RBFOX1: variants seen among roughly 807,000 people sequenced by gnomAD.
RBFOX1 encodes the protein RNA binding fox-1 homolog 1.
A neutral mutation model predicts 57.7 loss-of-function variants in RBFOX1; 8 were observed. The observed-to-expected ratio is 0.14, with a 90% CI of 0.08 to 0.25. The LOEUF (loss-of-function observed/expected upper bound fraction) is 0.25, where lower values mean the gene tolerates loss of function less well. RBFOX1 is among the 10% of genes least tolerant of loss of function. The pLI, the probability that RBFOX1 is intolerant of heterozygous loss-of-function variation, is 1.00. For missense variants in RBFOX1, 611 were observed against 548.5 expected (o/e 1.11, Z -1.14); for synonymous variants, 326 against 222.4 (o/e 1.47, Z -4.15).
chr16:6,842,116 C>G (rs893839408), intron 3 of RBFOX1, among the ~76,000 whole-genome samples: 1 of 150,998 alleles, frequency 6.6e-6, no homozygotes, highest in African/African-American at 2.4e-5. Context: ...GCACTCCAGC[C>G]TGGGTGACAG....
intron 4 of RBFOX1, among the ~76,000 whole-genome samples, chr16:7,216,611 T>C (rs2092090029): frequency 6.6e-6 from 1 of 152,072 alleles, no homozygotes; most frequent in East Asian, 1.9e-4. Context: ...TGAGCCCAGA[T>C]CGTACCGCTG....
chr16:6,833,977 G>A (rs1449150408), intron 3 of RBFOX1, among the ~76,000 whole-genome samples: 2 of 152,178 alleles, frequency 1.3e-5, no homozygotes, highest in African/African-American at 2.4e-5. Flanking sequence ...TGGAGGCACA[G>A]TAGGGTTTGG....
chr16:6,965,129 G>A (rs1457631716), intron 3 of RBFOX1, among the ~76,000 whole-genome samples: 1 of 152,092 alleles, frequency 6.6e-6, no homozygotes, highest in African/African-American at 2.4e-5. Flanking sequence ...CTGCCTCCAT[G>A]GTTCTCGGGG....
At chr16:6,292,373 T>C (rs953400258) in intron 1 of RBFOX1, among the ~76,000 whole-genome samples, 1 of 152,154 alleles carries the variant, frequency 6.6e-6, no homozygotes, top group East Asian at 1.9e-4. Flanking sequence ...CACAGATTTT[T>C]TTTTTTTTTT....
chr16:6,458,161 C>T lies in RBFOX1; in HGVS notation c.-64+141104C>T, dbSNP rs557829071. Among the ~76,000 whole-genome samples the T allele has an allele frequency of 6.6e-5, 10 of 152,316 alleles. No individual in the cohort carries two copies. The East Asian group carries it at 9.7e-4, about 15-fold the overall frequency. On this transcript the variant is annotated intron_variant, in intron 2 of 15. Coordinates refer to ENST00000550418, the MANE Select transcript of RBFOX1 (RefSeq NM_018723.4). Reference sequence around the variant, plus strand: ...TTCCAGCAGTAACTGTGTGCAAACACGGCCCCTCCCTGTATAGCAGAACTC... The same window carrying T: ...TTCCAGCAGTAACTGTGTGCAAACATGGCCCCTCCCTGTATAGCAGAACTC...
In RBFOX1 at chr16:6,578,333, GC is replaced by G. The variant is rs753401396; in HGVS notation, c.-63-76269del. ...CTGAGAACAGGGTAGTGGGAAGTTA[GC>G]GAAGCAATGTCCCCGGGACACAGCA... is the stretch of plus-strand genomic sequence containing the variant. On this transcript the variant is annotated intron_variant, in intron 2 of 15. Transcript: ENST00000550418. 4.0e-4 allele frequency among the ~76,000 whole-genome samples: 61 copies of G among 152,306 alleles called. 1 individual carries two copies. Among genetic ancestry groups the G allele is most frequent in the Middle Eastern group, 6.8e-3 (2 of 294 alleles).
At chr16:6,074,636 C>A (rs574462122) in intron 1 of RBFOX1, among the ~76,000 whole-genome samples, 2 of 152,238 alleles carry the variant, frequency 1.3e-5, no homozygotes, top group African/African-American at 4.8e-5. Flanking sequence ...ACGCAACAAC[C>A]AAAAGTGGTG....
intron 1 of RBFOX1, among the ~76,000 whole-genome samples, chr16:5,284,433 T>C (rs1156776044): frequency 6.6e-6 from 1 of 152,208 alleles, no homozygotes; most frequent in Non-Finnish European, 1.5e-5. Flanking sequence ...ATGGTAGATA[T>C]TGTTCTTTTG....
chr16:5,501,660 C>T (rs914375504), intron 2 of RBFOX1, among the ~76,000 whole-genome samples: 1 of 152,190 alleles, frequency 6.6e-6, no homozygotes, highest in South Asian at 2.1e-4. Flanking sequence ...GCCGTCAAAT[C>T]TCCAAACACA....
At chr16:7,433,154 C>G (rs1031031398) in intron 4 of RBFOX1, among the ~76,000 whole-genome samples, 1 of 152,142 alleles carries the variant, frequency 6.6e-6, no homozygotes, top group African/African-American at 2.4e-5. Context: ...TGCTGATCCT[C>G]CCTTCTTTCC....
chr16:7,178,403 A>G (rs530481517), intron 4 of RBFOX1, among the ~76,000 whole-genome samples: 3 of 152,326 alleles, frequency 2.0e-5, no homozygotes, highest in Non-Finnish European at 2.9e-5. Flanking sequence ...GGCAAACACA[A>G]TCTTCCCAAG....
chr16:6,795,100 G>T (rs2154251695), intron 3 of RBFOX1, among the ~76,000 whole-genome samples: 1 of 152,224 alleles, frequency 6.6e-6, no homozygotes, highest in Non-Finnish European at 1.5e-5. Context: ...TTCCATTTCT[G>T]GGTATATTTT....
At chr16:7,663,193 G>A (rs1054626957) in intron 12 of RBFOX1, among the ~76,000 whole-genome samples, 6 of 152,124 alleles carry the variant, frequency 3.9e-5, no homozygotes, top group South Asian at 2.1e-4. Context: ...CCCCCCAACC[G>A]ACATTCTCTA....
chr16:7,405,970 G>T (rs1366322060), intron 4 of RBFOX1, among the ~76,000 whole-genome samples: 5 of 152,150 alleles, frequency 3.3e-5, no homozygotes, highest in Non-Finnish European at 5.9e-5. Flanking sequence ...CTGACATCGA[G>T]TAGGTAGAGC....
At chr16:6,968,595 G>T (rs1033289083) in intron 3 of RBFOX1, among the ~76,000 whole-genome samples, 1 of 151,968 alleles carries the variant, frequency 6.6e-6, no homozygotes, top group Non-Finnish European at 1.5e-5. Context: ...GTAGATGATG[G>T]ATTCCTCCCA....
intron 3 of RBFOX1, among the ~76,000 whole-genome samples, chr16:6,921,213 C>A (rs1159665871): frequency 6.6e-6 from 1 of 152,072 alleles, no homozygotes; most frequent in South Asian, 2.1e-4. Context: ...TACAAATTAC[C>A]CACACACATT....
At chr16:7,240,705 C>T (rs2094011498) in intron 4 of RBFOX1, among the ~76,000 whole-genome samples, 1 of 152,048 alleles carries the variant, frequency 6.6e-6, no homozygotes. Context: ...GAGGCATTCA[C>T]CACCACACCT....
chr16:5,915,696 G>A (rs912300138), intron 4 of RBFOX1, among the ~76,000 whole-genome samples: 1 of 152,148 alleles, frequency 6.6e-6, no homozygotes, highest in East Asian at 1.9e-4. Context: ...GCCTGGCATG[G>A]TGGCGCTTGC....
intron 4 of RBFOX1, among the ~76,000 whole-genome samples, chr16:5,937,616 A>G (rs991571237): frequency 2.0e-5 from 3 of 150,618 alleles, no homozygotes; most frequent in Non-Finnish European, 4.4e-5. Flanking sequence ...ATATAGCTAC[A>G]TATAGAACTT....
Sources: allele counts gnomAD v4.1 joint callset (sites outside exome capture counted in the v4.1 genomes callset), GRCh38; gene constraint gnomAD v4.1.1; transcripts MANE v1.5; gene names NCBI Gene and HGNC (gene_info 2026-07-23, HGNC 2026-07-21).